NAALADL2: variants seen among roughly 807,000 people sequenced by gnomAD.
NAALADL2 encodes the protein inactive N-acetylated-alpha-linked acidic dipeptidase-like protein 2.
NAALADL2 carries 76 observed loss-of-function variants against 87.2 expected under a neutral mutation model. That is an observed-to-expected ratio of 0.87 (90% CI 0.72 to 1.05). The LOEUF is 1.05. Among genes scored for constraint, NAALADL2 ranks in the 50% least tolerant of loss-of-function variants. The pLI, the probability that NAALADL2 is intolerant of heterozygous loss-of-function variation, is 0.00. For synonymous variants in NAALADL2, 354 were observed against 331.0 expected (o/e 1.07, Z -0.75); for missense variants, 1,089 against 945.8 (o/e 1.15, Z -1.99).
At chr3:175,447,187 T>C (rs1720840715) in intron 5 of NAALADL2, 42 bp from the exon 6 acceptor site, 17 of 1,392,126 alleles carry the variant, frequency 1.2e-5, no homozygotes, top group Non-Finnish European at 1.6e-5. Flanking sequence ...GTTTTAAATT[T>C]CTGTTTACTA....
intron 11 of NAALADL2, among the ~76,000 whole-genome samples, chr3:175,670,192 G>A (rs1733747253): frequency 6.6e-6 from 1 of 151,744 alleles, no homozygotes; most frequent in Admixed American, 6.6e-5. Context: ...AGCAAAACTA[G>A]GATTTGAATC....
intron 4 of NAALADL2, among the ~76,000 whole-genome samples, chr3:175,298,226 A>G (rs1289765382): frequency 6.6e-6 from 1 of 152,140 alleles, no homozygotes; most frequent in Non-Finnish European, 1.5e-5. Context: ...CCTGTGGTAA[A>G]GCAACTCTGC....
In NAALADL2 at chr3:174,747,601, G is replaced by A. The variant is rs374353170; in HGVS notation, c.-9+9855G>A. Reference sequence around the variant, plus strand: ...TGCACCATTGCACTCCAGCCTGGGTGACAGAGTAAGACCCCATCTCAAAAA... The same window carrying A: ...TGCACCATTGCACTCCAGCCTGGGTAACAGAGTAAGACCCCATCTCAAAAA... On this transcript the variant is annotated intron_variant, in intron 3 of 3. Transcript: ENST00000434257. 4.6e-3 allele frequency among the ~76,000 whole-genome samples: 499 copies of A among 108,064 alleles called. 4 individuals carry two copies. Among genetic ancestry groups the A allele is most frequent in the Middle Eastern group, 0.023 (2 of 86 alleles). 70.9% of individuals were successfully genotyped at this position (108,064 alleles called of 152,430 possible).
At chr3:175,129,370 G>A (rs549763783) in intron 2 of NAALADL2, among the ~76,000 whole-genome samples, 1 of 152,158 alleles carries the variant, frequency 6.6e-6, no homozygotes, top group Non-Finnish European at 1.5e-5. Flanking sequence ...ATTAACTATA[G>A]TCACTGTGGT....
At chr3:175,021,947 A>C (rs1751613529) in intron 1 of NAALADL2, among the ~76,000 whole-genome samples, 1 of 152,022 alleles carries the variant, frequency 6.6e-6, no homozygotes, top group Non-Finnish European at 1.5e-5. Context: ...TGTTTAGGTC[A>C]TGGGACTGGG....
At chr3:175,589,508 G>A (rs1486528388) in intron 10 of NAALADL2, among the ~76,000 whole-genome samples, 1 of 149,446 alleles carries the variant, frequency 6.7e-6, no homozygotes, top group Non-Finnish European at 1.5e-5. Context: ...ATTAAAATTT[G>A]ATCATTGTGT....
intron 2 of NAALADL2, among the ~76,000 whole-genome samples, chr3:174,650,154 C>T: frequency 6.6e-6 from 1 of 151,938 alleles, no homozygotes; most frequent in East Asian, 1.9e-4. Flanking sequence ...AAATGTGGTT[C>T]AGGGATTGGG....
At chr3:174,455,965 A>G (rs1215166591) in intron 1 of NAALADL2, among the ~76,000 whole-genome samples, 1 of 152,130 alleles carries the variant, frequency 6.6e-6, no homozygotes, top group Admixed American at 6.6e-5. Flanking sequence ...AAAACCCCAT[A>G]GTCTCAGCCC....
intron 2 of NAALADL2, among the ~76,000 whole-genome samples, chr3:174,642,420 G>GA (rs1273001259): frequency 2.0e-5 from 3 of 150,648 alleles, no homozygotes; most frequent in African/African-American, 7.3e-5. Context: ...AGAATCTCTT[G>GA]AACCTGGGAG....
At chr3:175,590,850 G>T (rs1185287491) in intron 10 of NAALADL2, among the ~76,000 whole-genome samples, 1 of 152,132 alleles carries the variant, frequency 6.6e-6, no homozygotes, top group Non-Finnish European at 1.5e-5. Context: ...TGATTTCAAG[G>T]ACATAGTTTG....
chr3:175,784,194 G>A (rs1217589643), intron 13 of NAALADL2, among the ~76,000 whole-genome samples: 2 of 148,404 alleles, frequency 1.3e-5, no homozygotes, highest in African/African-American at 5.0e-5. Flanking sequence ...CCCGGCTTTG[G>A]TATCAGAATG....
At chr3:175,383,740 A>C (rs574006020) in intron 5 of NAALADL2, among the ~76,000 whole-genome samples, 2 of 152,176 alleles carry the variant, frequency 1.3e-5, no homozygotes, top group African/African-American at 4.8e-5. Flanking sequence ...TCTTTTACTT[A>C]AGGTATTATG....
At chr3:174,938,378 G>A (rs971439673) in intron 1 of NAALADL2, among the ~76,000 whole-genome samples, 6 of 152,092 alleles carry the variant, frequency 3.9e-5, no homozygotes, top group East Asian at 1.9e-4. Flanking sequence ...TGGCTGCATC[G>A]TATCGCATGG....
intron 5 of NAALADL2, among the ~76,000 whole-genome samples, chr3:175,438,045 A>G (rs866261184): frequency 1.3e-5 from 2 of 152,218 alleles, no homozygotes; most frequent in Middle Eastern, 3.4e-3. Flanking sequence ...TTCAAATTTT[A>G]TATCGTGAAT....
At chr3:175,240,703 T>A (rs1746700591) in intron 3 of NAALADL2, among the ~76,000 whole-genome samples, 3 of 152,246 alleles carry the variant, frequency 2.0e-5, no homozygotes, top group Admixed American at 6.5e-5. Flanking sequence ...TTGCCCAGGC[T>A]GGAGTGCAAT....
intron 1 of NAALADL2, among the ~76,000 whole-genome samples, chr3:174,536,835 A>G (rs1721767930): frequency 6.6e-6 from 1 of 152,182 alleles, no homozygotes; most frequent in Non-Finnish European, 1.5e-5. Context: ...ACCTGGGGGA[A>G]TTGTTTCCAT....
rs142034877 is a variant in NAALADL2 at position 174,671,863 on chromosome 3, T to C, written c.-114-65778T>C. ...TTTCTGACCAAATAAGGTTCTTTGATGGTCAAATGAAATAATTCCTACAAG... is the reference window on the plus strand; with the variant it reads ...TTTCTGACCAAATAAGGTTCTTTGACGGTCAAATGAAATAATTCCTACAAG... On this transcript the variant is annotated intron_variant, in intron 2 of 3. Transcript: ENST00000434257. 3.0e-3 allele frequency among the ~76,000 whole-genome samples: 452 copies of C among 152,120 alleles called. 2 individuals are homozygous for C. Among genetic ancestry groups the C allele is most frequent in the African/African-American group, 0.01 (434 of 41,544 alleles).
intron 3 of NAALADL2, among the ~76,000 whole-genome samples, chr3:174,779,262 C>T (rs529602910): frequency 2.9e-4 from 44 of 152,150 alleles, no homozygotes; most frequent in Non-Finnish European, 5.9e-4. Flanking sequence ...TGTTTGTTGG[C>T]TGCATAAATG....
At chr3:175,125,245 T>C (rs1307657929) in intron 2 of NAALADL2, among the ~76,000 whole-genome samples, 1 of 152,070 alleles carries the variant, frequency 6.6e-6, no homozygotes, top group South Asian at 2.1e-4. Context: ...GTGGTTAACA[T>C]ACTGGATAGT....
Sources: gnomAD v4.1 joint callset for allele counts (sites outside exome capture counted in the v4.1 genomes callset) on GRCh38, gnomAD v4.1.1 for gene constraint, MANE v1.5 for transcripts, NCBI Gene and HGNC (gene_info 2026-07-23, HGNC 2026-07-21) for gene names.